ERCC6: variants seen among roughly 807,000 people sequenced by gnomAD.
The protein encoded by ERCC6 is ERCC excision repair 6, chromatin remodeling factor.
ERCC6 carries 116 observed loss-of-function variants against 158.7 expected under a neutral mutation model. The observed-to-expected ratio is 0.73, with a 90% CI of 0.63 to 0.85. The LOEUF (loss-of-function observed/expected upper bound fraction) is 0.85. Ranked by LOEUF, ERCC6 falls within the 40% of genes least tolerant of loss-of-function variation. The probability of loss-of-function intolerance (pLI) is 0.00; values close to 1 mark genes in which losing one functional copy is unlikely to be tolerated. For synonymous variants in ERCC6, 678 were observed against 659.3 expected (o/e 1.03, Z -0.43); for missense variants, 1,698 against 1,799.4 (o/e 0.94, Z 1.02).
At chr10:49,485,187 A>T (rs1590420180) in intron 8 of ERCC6, among the ~76,000 whole-genome samples, 1 of 152,202 alleles carries the variant, frequency 6.6e-6, no homozygotes, top group African/African-American at 2.4e-5. Context: ...CAGCTCCCCA[A>T]GGAAGGACAG....
intron 5 of ERCC6, among the ~76,000 whole-genome samples, chr10:49,520,440 C>T (rs1436963047): frequency 6.6e-6 from 1 of 152,166 alleles, no homozygotes; most frequent in African/African-American, 2.4e-5. Context: ...AAATGATAAA[C>T]ACTAACCCTA....
chr10:49,522,846 A>G (rs532771727), intron 5 of ERCC6, among the ~76,000 whole-genome samples: 1 of 152,342 alleles, frequency 6.6e-6, no homozygotes, highest in East Asian at 1.9e-4. Context: ...GTGCTGAGGG[A>G]TGACAAATAT....
intron 5 of ERCC6, among the ~76,000 whole-genome samples, chr10:49,512,253 G>A (rs967835851): frequency 1.3e-5 from 2 of 152,108 alleles, no homozygotes; most frequent in Admixed American, 6.5e-5. Flanking sequence ...AGGACAGCAA[G>A]GAGGCTGGAA....
intron 1 of ERCC6, among the ~76,000 whole-genome samples, chr10:49,537,502 T>TATACAC (rs1554795255): frequency 3.1e-5 from 4 of 128,806 alleles, no homozygotes; most frequent in African/African-American, 1.1e-4. Context: ...TATATATATA[T>TATACAC]ACACATACAC....
At chr10:49,448,295 G>A in the ERCC6 span, among the ~76,000 whole-genome samples, 1 of 152,280 alleles carries the variant, frequency 6.6e-6, no homozygotes, top group South Asian at 2.1e-4. Flanking sequence ...GACTAATGAT[G>A]TCAAGCATCT....
In ERCC6 at chr10:49,458,063, A is replaced by T. The variant is rs1279797431; in HGVS notation, c.*752T>A. The T allele has an allele frequency of 6.6e-6, 1 of 152,008 alleles. No individual in the cohort carries two copies. Among genetic ancestry groups the T allele is most frequent in the East Asian group, 1.9e-4 (1 of 5,176 alleles). The allele number at this position is 152,008 out of a possible 1,614,324, so 9.4% of individuals were successfully genotyped here. A position where few individuals can be genotyped will look rare whatever the true frequency, so the allele number is the denominator to read the frequency against. On this transcript the variant is annotated 3_prime_UTR_variant, in exon 21 of 21. Coordinates refer to ENST00000355832, the MANE Select transcript of ERCC6 (RefSeq NM_000124.4). ...GCATGCATGTGTGTGGTTTTTATGT[A>T]CCTACTTTTGGCTTTAATTTGATTT...
downstream of ERCC6, among the ~76,000 whole-genome samples, chr10:49,453,432 C>T (rs570768084): frequency 2.0e-5 from 3 of 152,262 alleles, no homozygotes; most frequent in South Asian, 2.1e-4. Flanking sequence ...TAGTCTACTA[C>T]AGCTTTGCTC....
chr10:49,505,742 T>C (rs1851431761), intron 6 of ERCC6, 142 bp downstream of exon 6: 1 of 899,902 alleles, frequency 1.1e-6, no homozygotes, highest in East Asian at 2.6e-5. Context: ...GGCTATAATT[T>C]CATTTGACAG....
chr10:49,508,305 G>T (rs935748259), intron 5 of ERCC6, among the ~76,000 whole-genome samples: 2 of 152,140 alleles, frequency 1.3e-5, no homozygotes, highest in African/African-American at 2.4e-5. Context: ...ATTGATATAT[G>T]ATGACCATTT....
At chr10:49,477,768 G>A (rs937307958) in intron 11 of ERCC6, among the ~76,000 whole-genome samples, 1 of 152,156 alleles carries the variant, frequency 6.6e-6, no homozygotes, top group Non-Finnish European at 1.5e-5. Context: ...GCAATGCTCT[G>A]CCTTCAAAAC....
chr10:49,538,470 C>T (rs1333948558), intron 1 of ERCC6, among the ~76,000 whole-genome samples: 2 of 152,128 alleles, frequency 1.3e-5, no homozygotes, highest in Non-Finnish European at 2.9e-5. Flanking sequence ...AGGAGAAAAG[C>T]GAGGGCTGCC....
chr10:49,510,683 A>G (rs1851518352), intron 5 of ERCC6, among the ~76,000 whole-genome samples: 3 of 152,220 alleles, frequency 2.0e-5, no homozygotes, highest in Non-Finnish European at 4.4e-5. Flanking sequence ...AGAGACTGGT[A>G]TAATGCCTCC....
At chr10:49,475,521 A>G (rs766959966) in intron 12 of ERCC6, 28 of 391,300 alleles carry the variant, frequency 7.2e-5, no homozygotes, top group South Asian at 1.2e-4. Flanking sequence ...AAGAAATGAA[A>G]TAAGAAATTG....
chr10:49,467,688 C>T (rs749211696), intron 18 of ERCC6, among the ~76,000 whole-genome samples: 17 of 152,024 alleles, frequency 1.1e-4, no homozygotes, highest in Non-Finnish European at 2.1e-4. Flanking sequence ...AGCTCAGCCT[C>T]GCAAGTAGCT....
In ERCC6 at chr10:49,532,601, G is replaced by A. The variant is rs374014916; in HGVS notation, c.364C>T (p.Arg122Cys). The A allele has an allele frequency of 1.5e-5, 24 of 1,614,090 alleles. No individual in the cohort carries two copies. Among genetic ancestry groups the A allele is most frequent in the South Asian group, 5.5e-5 (5 of 91,088 alleles). Residue 122 changes from arginine to cysteine, a missense_variant, in exon 2 of 21, where the codon CGT becomes TGT. Physicochemically the swap from Arg to Cys is radical, Grantham distance 180 (BLOSUM62 -3). Coordinates refer to ENST00000355832, the MANE Select transcript of ERCC6 (RefSeq NM_000124.4). ...QVDNAIHEASRASQLVDVEKE... is the reference protein window; with the variant it reads ...QVDNAIHEASCASQLVDVEKE... ...TCCACGTCAACGAGCTGGGAGGCAC[G>A]GCTGGCCTCATGGATGGCATTGTCC...
chr10:49,501,553 G>A (rs1851354979), intron 6 of ERCC6: 1 of 151,642 alleles, frequency 6.6e-6, no homozygotes, highest in South Asian at 2.1e-4. Flanking sequence ...AGTTAAAAAA[G>A]GAAAAATACA....
At chr10:49,453,317 CT>C (rs1270709635), downstream of ERCC6, among the ~76,000 whole-genome samples, 15 of 152,178 alleles carry the variant, frequency 9.9e-5, no homozygotes, top group Non-Finnish European at 2.1e-4. Context: ...GCTATATTCC[CT>C]TTCCCCCTTT....
downstream of ERCC6, among the ~76,000 whole-genome samples, chr10:49,451,602 C>G (rs1416813803): frequency 6.6e-6 from 1 of 152,080 alleles, no homozygotes; most frequent in Non-Finnish European, 1.5e-5. Context: ...AATCTTATAT[C>G]CCTGGGATAA....
At position 49,456,596 on chromosome 10, in the gene ERCC6, G is replaced by A. The variant is rs1304916712; in HGVS notation, c.*2219C>T. ...AACAGGTGCAAGATGGTGTGGGGGT[G>A]GGGAGGCAGACTATTGCTTGAACAT... On this transcript the variant is annotated 3_prime_UTR_variant, in exon 21 of 21. Transcript: ENST00000355832. 1 of 152,114 alleles carries A rather than the reference G, an allele frequency of 6.6e-6. No homozygotes were observed. The highest frequency in any genetic ancestry group is 1.5e-5 in the Non-Finnish European group (1 of 68,012). 9.4% of individuals were successfully genotyped at this position (152,114 alleles called of 1,614,324 possible).
Sources: allele counts gnomAD v4.1 joint callset (sites outside exome capture counted in the v4.1 genomes callset), GRCh38; gene constraint gnomAD v4.1.1; transcripts MANE v1.5; gene names NCBI Gene and HGNC (gene_info 2026-07-23, HGNC 2026-07-21).